Variants in SP4 observed in about 807,000 individuals in gnomAD.
SP4 encodes Sp4 transcription factor.
A neutral mutation model predicts 72.8 loss-of-function variants in SP4; 19 were observed. The ratio of observed to expected loss-of-function variants is 0.26; its 90% confidence interval spans 0.18 to 0.38. SP4 has a LOEUF of 0.38. Ranked by LOEUF, SP4 falls within the 10% of genes least tolerant of loss-of-function variation. The probability of loss-of-function intolerance (pLI) is 1.00; values close to 1 mark genes in which losing one functional copy is unlikely to be tolerated. For synonymous variants in SP4, 395 were observed against 333.1 expected (o/e 1.19, Z -2.02); for missense variants, 1,008 against 926.3 (o/e 1.09, Z -1.14).
Position 21,428,238 on chromosome 7 carries a change from C to T in SP4, c.-14C>T, listed in dbSNP as rs1344576135. The T allele has an allele frequency of 4.0e-6, 5 of 1,240,826 alleles. No homozygotes were observed. The highest frequency in any genetic ancestry group is 3.8e-5 in the South Asian group (3 of 79,734). The allele number at this position is 1,240,826 out of a possible 1,614,324, so 76.9% of individuals were successfully genotyped here. On this transcript the variant is annotated 5_prime_UTR_variant, in exon 1 of 6. Transcript: ENST00000222584. ...CCAGTGTCTCCGTCTGAGGGTTTGT[C>T]CTGTTAATGCGGGATGAGCGGTACG...
At chr7:21,483,112 T>C (rs17144497) in intron 5 of SP4, among the ~76,000 whole-genome samples, 6,016 of 152,186 alleles carry the variant, frequency 0.04, 203 homozygotes, top group African/African-American at 0.091. Flanking sequence ...TACCCAGTAG[T>C]GTCAGGCCTT....
At chr7:21,459,849 C>G (rs370588746) in intron 3 of SP4, among the ~76,000 whole-genome samples, 1 of 152,198 alleles carries the variant, frequency 6.6e-6, no homozygotes, top group Non-Finnish European at 1.5e-5. Flanking sequence ...AAGCACAAGG[C>G]TAAGTTCTGA....
intron 4 of SP4, among the ~76,000 whole-genome samples, chr7:21,477,586 G>C (rs1361932813): frequency 6.6e-6 from 1 of 151,564 alleles, no homozygotes. Flanking sequence ...GCCTAGGCTG[G>C]AGTGCAGTGG....
chr7:21,481,957 T>C lies in SP4; in HGVS notation c.1941T>C (p.His647=). 6.2e-7 allele frequency: 1 copy of C among 1,614,106 alleles called. No individual in the cohort carries two copies. Among genetic ancestry groups the C allele is most frequent in the South Asian group, 1.1e-5 (1 of 91,084 alleles). The part of the protein sequence containing the change: ...GSNEPGKKKQ[H]ICHIEGCGKV... ...ATGAACCAGGAAAAAAGAAGCAGCA[T>C]ATCTGTCATATTGAAGGATGTGGTA... Residue 647 remains histidine (H), a synonymous_variant, in exon 5 of 6, where the codon CAT becomes CAC. Transcript: ENST00000222584.
intron 5 of SP4, among the ~76,000 whole-genome samples, chr7:21,510,082 T>C: frequency 6.6e-6 from 1 of 152,180 alleles, no homozygotes; most frequent in East Asian, 1.9e-4. Flanking sequence ...CCACCCCCAT[T>C]ATTCAGTTAT....
chr7:21,446,645 A>G (rs1407132846), intron 3 of SP4, among the ~76,000 whole-genome samples: 2 of 152,182 alleles, frequency 1.3e-5, no homozygotes, highest in Non-Finnish European at 2.9e-5. Flanking sequence ...TAGTGTTAGA[A>G]TTCTATAAAG....
chr7:21,481,893 G>A (rs752050392), intron 4 of SP4, 31 bp from the exon 5 acceptor site: 2 of 1,475,424 alleles, frequency 1.4e-6, no homozygotes, highest in South Asian at 1.1e-5. Context: ...ATTTGGCAGT[G>A]TAATTAATGT....
rs565997702 is a variant in SP4, at chr7:21,453,715, C to G, written c.1678+22872C>G. Among the ~76,000 whole-genome samples, 3 of 152,178 alleles carry G rather than the reference C, an allele frequency of 2.0e-5. No individual in the cohort carries two copies. The South Asian group carries it at 6.2e-4, about 32-fold the overall frequency. On this transcript the variant is annotated intron_variant, in intron 3 of 5. Coordinates refer to ENST00000222584, the MANE Select transcript of SP4 (RefSeq NM_003112.5). ...AAGATTGTCATAGACCTTTTATAAC[C>G]CTTTACAATTTTTTTGTTAAAGACC...
At chr7:21,453,657 T>A (rs538809422) in intron 3 of SP4, among the ~76,000 whole-genome samples, 1 of 152,366 alleles carries the variant, frequency 6.6e-6, no homozygotes, top group African/African-American at 2.4e-5. Flanking sequence ...TAGACAAATC[T>A]ATTCAATCTT....
At chr7:21,432,880 G>C (rs1184279461) in intron 3 of SP4, among the ~76,000 whole-genome samples, 1 of 152,178 alleles carries the variant, frequency 6.6e-6, no homozygotes, top group Non-Finnish European at 1.5e-5. Context: ...TGTGGTCTCA[G>C]CGTCTTGGGA....
rs1291883695 is a variant in SP4, at chr7:21,430,250, C to G, written c.1085C>G (p.Ser362Cys). 1 of 1,614,238 alleles carries G rather than the reference C, an allele frequency of 6.2e-7. No homozygotes were observed. The highest frequency in any genetic ancestry group is 1.3e-5 in the African/African-American group (1 of 75,046). Residue 362 changes from serine to cysteine, a missense_variant, in exon 3 of 6, where the codon TCT becomes TGT. Physicochemically the swap from Ser to Cys is moderately radical, Grantham distance 112 (BLOSUM62 -1). Transcript: ENST00000222584. ...ASSSERTIEESQTPAATESEA... is the reference protein window; with the variant it reads ...ASSSERTIEECQTPAATESEA... ...AGTTCTGAACGCACCATTGAAGAAT[C>G]TCAAACACCTGCTGCTACTGAGTCT...
intron 5 of SP4, among the ~76,000 whole-genome samples, chr7:21,504,889 G>A (rs968817225): frequency 3.9e-5 from 6 of 152,134 alleles, no homozygotes; most frequent in Non-Finnish European, 8.8e-5. Context: ...AGACAGGATC[G>A]AGAAGCTTGG....
chr7:21,487,970 C>G (rs1344826204), intron 5 of SP4, among the ~76,000 whole-genome samples: 7 of 151,952 alleles, frequency 4.6e-5, no homozygotes, highest in Admixed American at 4.6e-4. Context: ...CTCAAGTGAT[C>G]CTCACACCTC....
rs994678774 is a variant in SP4 at position 21,514,299 on chromosome 7, A to G, written c.*3030A>G. 6.6e-6 allele frequency: 1 copy of G among 152,590 alleles called. No individual in the cohort carries two copies. Among genetic ancestry groups the G allele is most frequent in the East Asian group, 1.9e-4 (1 of 5,202 alleles). The allele number at this position is 152,590 out of a possible 1,614,324, so 9.5% of individuals were successfully genotyped here. On this transcript the variant is annotated 3_prime_UTR_variant, in exon 6 of 6. Coordinates refer to ENST00000222584, the MANE Select transcript of SP4 (RefSeq NM_003112.5). ...TGTTTAGGTCCTATTTTTCAATTTTATAACTGTTTTATTGCAACAATATTT... is the reference window on the plus strand; with the variant it reads ...TGTTTAGGTCCTATTTTTCAATTTTGTAACTGTTTTATTGCAACAATATTT...
At chr7:21,475,664 C>T (rs942151269) in intron 3 of SP4, among the ~76,000 whole-genome samples, 1 of 151,980 alleles carries the variant, frequency 6.6e-6, no homozygotes, top group African/African-American at 2.4e-5. Flanking sequence ...TGGGTTTCAC[C>T]ATGTTAGCCA....
chr7:21,440,886 ACAG>A (rs376155260), intron 3 of SP4, among the ~76,000 whole-genome samples: 1,466 of 16,912 alleles, frequency 0.087, 24 homozygotes, highest in African/African-American at 0.41. Flanking sequence ...AACAACAACA[ACAG>A]CAGCAAACAG....
At chr7:21,486,971 G>C (rs1232272665) in intron 5 of SP4, among the ~76,000 whole-genome samples, 1 of 152,176 alleles carries the variant, frequency 6.6e-6, no homozygotes, top group Non-Finnish European at 1.5e-5. Flanking sequence ...GATCTTGCCT[G>C]CAGCAGTTAT....
At chr7:21,457,474 G>GA (rs1307786483) in intron 3 of SP4, among the ~76,000 whole-genome samples, 3 of 151,940 alleles carry the variant, frequency 2.0e-5, no homozygotes, top group Non-Finnish European at 4.4e-5. Flanking sequence ...AAGCTCTGTT[G>GA]AAAAAAAACT....
chr7:21,453,188 ATTAG>A (rs1353914836), intron 3 of SP4, among the ~76,000 whole-genome samples: 3 of 152,234 alleles, frequency 2.0e-5, no homozygotes, highest in Non-Finnish European at 2.9e-5. Context: ...TTAGTCTTCT[ATTAG>A]TTCAGTCCAT....
Sources: gnomAD v4.1 joint callset for allele counts (sites outside exome capture counted in the v4.1 genomes callset) on GRCh38, gnomAD v4.1.1 for gene constraint, MANE v1.5 for transcripts, NCBI Gene and HGNC (gene_info 2026-07-23, HGNC 2026-07-21) for gene names.